The following SMPD4 variants were observed in gnomAD, a reference collection of about 807,000 sequenced individuals.
SMPD4 encodes the protein sphingomyelin phosphodiesterase 4.
SMPD4 carries 58 observed loss-of-function variants against 97.8 expected under a neutral mutation model. The ratio of observed to expected loss-of-function variants is 0.59; its 90% CI spans 0.48 to 0.74. The LOEUF (loss-of-function observed/expected upper bound fraction) is 0.74, where lower values mean the gene tolerates loss of function less well. Ranked by LOEUF, SMPD4 falls within the 30% of genes least tolerant of loss-of-function variation. The pLI is 0.00. For missense variants in SMPD4, 853 were observed against 1,080.5 expected (o/e 0.79, Z 2.95); for synonymous variants, 388 against 450.0 (o/e 0.86, Z 1.74).
At chr2:130,171,184 A>G (rs1688431563) in intron 8 of SMPD4, among the ~76,000 whole-genome samples, 1 of 150,354 alleles carries the variant, frequency 6.7e-6, no homozygotes, top group South Asian at 2.1e-4. Flanking sequence ...AGCTCACCAC[A>G]ACCTCCGCCT....
intron 8 of SMPD4, among the ~76,000 whole-genome samples, chr2:130,170,476 C>CAAAAAAAAAAAAAAAAAA (rs1688348952): frequency 2.5e-5 from 2 of 81,338 alleles, no homozygotes; most frequent in Non-Finnish European, 4.9e-5. Context: ...AAAAAAAAAG[C>CAAAAAAAAAAAAAAAAAA]ACACAATGGA....
intron 10 of SMPD4, 41 bp downstream of exon 10, chr2:130,164,333 G>C: frequency 6.5e-7 from 1 of 1,545,238 alleles, no homozygotes; most frequent in Non-Finnish European, 8.9e-7. Flanking sequence ...AGGCTGAGCA[G>C]GGTCAGAAGC....
At chr2:130,181,671 T>C, upstream of SMPD4, 5 of 1,550,014 alleles carry the variant, frequency 3.2e-6, no homozygotes, top group South Asian at 5.9e-5. Context: ...GGCCGTTACC[T>C]CAAAAGGCGC....
At position 130,154,870 on chromosome 2, in the gene SMPD4, C is replaced by T. The variant is rs182794119; in HGVS notation, c.1453+226G>A. On this transcript the variant is annotated intron_variant, in intron 15 of 19. Transcript: ENST00000680298. ...ACCGTGCCGGCCCGCTCTGTGGGCA[C>T]ACCTGCGATCCCCCACCCAGTGCCT... The T allele has an allele frequency of 9.1e-6, 6 of 656,720 alleles. No homozygotes were observed. The East Asian group carries it at 1.4e-4, about 15-fold the overall frequency. 40.7% of individuals were successfully genotyped at this position (656,720 alleles called of 1,614,324 possible).
At chr2:130,158,103 G>T in intron 11 of SMPD4, 1 of 936,380 alleles carries the variant, frequency 1.1e-6, no homozygotes, top group Non-Finnish European at 1.4e-6. Context: ...TCGTGCCACT[G>T]CACTCCAGCG....
In SMPD4 at chr2:130,173,604, T is replaced by C. The variant is rs150893151; in HGVS notation, c.179A>G (p.Asp60Gly). 6 of 1,613,708 alleles carry C rather than the reference T, an allele frequency of 3.7e-6. No individual in the cohort carries two copies. In the African/African-American group the frequency reaches 6.7e-5, roughly 18 times the overall value. Residue 60 changes from aspartate to glycine, a missense_variant, in exon 4 of 20, where the codon GAT becomes GGT. By Grantham distance (94) the Asp-to-Gly change is moderately conservative. Transcript: ENST00000680298. ...WLVESIFGSL[D>G]GVLVGWNLRC... ...GAGGTTCCAGCCAACGAGGACACCA[T>C]CTAGGCTGCCAAAAATGCTTTCTAC...
intron 10 of SMPD4, among the ~76,000 whole-genome samples, chr2:130,162,575 C>T (rs1687534795): frequency 1.3e-5 from 2 of 152,210 alleles, no homozygotes; most frequent in Admixed American, 6.5e-5. Context: ...GCCATCCTTA[C>T]TGCCCACAGG....
chr2:130,181,416 G>C (rs573827965), intron 1 of SMPD4, 114 bp downstream of exon 1: 1 of 1,495,730 alleles, frequency 6.7e-7, no homozygotes, highest in East Asian at 2.5e-5. Context: ...GGGCAGAGCC[G>C]GCTGGCCGGC....
At chr2:130,181,476 G>A (rs1472664604) in intron 1 of SMPD4, 54 bp downstream of exon 1, 1 of 1,555,270 alleles carries the variant, frequency 6.4e-7, no homozygotes, top group East Asian at 2.4e-5. Flanking sequence ...GCAGGGGCTC[G>A]GGGAAGCCCC....
chr2:130,153,952 G>A lies in SMPD4; in HGVS notation c.1660-17C>T, dbSNP rs770163627. On this transcript the variant is annotated splice_polypyrimidine_tract_variant and intron_variant, in intron 16 of 19. Transcript: ENST00000680298. ...GCGCAGGACCTGCAAGGGAGGCGCGGGCAGGTCACCAGCAGGACAGGCCTG... is the reference window on the plus strand; with the variant it reads ...GCGCAGGACCTGCAAGGGAGGCGCGAGCAGGTCACCAGCAGGACAGGCCTG... 6 of 1,608,234 alleles carry A rather than the reference G, an allele frequency of 3.7e-6. No individual in the cohort carries two copies. Among genetic ancestry groups the A allele is most frequent in the Non-Finnish European group, 5.1e-6 (6 of 1,177,536 alleles).
In SMPD4 at chr2:130,152,847, T is replaced by C. The variant is rs757166069; in HGVS notation, c.2192A>G (p.Asp731Gly). The C allele has an allele frequency of 2.5e-6, 4 of 1,592,570 alleles. No individual in the cohort carries two copies. Among genetic ancestry groups the C allele is most frequent in the Non-Finnish European group, 3.4e-6 (4 of 1,167,660 alleles). ...GTAGCGACAGAAGCTGCCGAGGAAG[T>C]CATCCCGGGAACACAGAGCCGCCAT... Reference protein sequence around the residue: ...GQMAALCSRDDFLGSFCRYHL... With the variant: ...GQMAALCSRDGFLGSFCRYHL... The change falls in exon 20 of 20, where the codon GAC becomes GGC. Residue 731 changes from aspartate to glycine, a missense_variant. This residue lies in a region of SMPD4 where 511 missense variants were observed against 608.1 expected (regional missense o/e 0.84). Transcript: ENST00000680298.
At chr2:130,177,460 G>A (rs1463907420) in intron 1 of SMPD4, among the ~76,000 whole-genome samples, 1 of 152,084 alleles carries the variant, frequency 6.6e-6, no homozygotes, top group Non-Finnish European at 1.5e-5. Flanking sequence ...TACTTTGGGA[G>A]GCTGAGGCAG....
intron 1 of SMPD4, among the ~76,000 whole-genome samples, chr2:130,179,290 T>A (rs1300106328): frequency 1.3e-5 from 2 of 151,412 alleles, no homozygotes; most frequent in East Asian, 3.9e-4. Flanking sequence ...CCGGCTAATT[T>A]TTTTGTATTT....
intron 8 of SMPD4, among the ~76,000 whole-genome samples, chr2:130,170,113 GAGTGATGATTGTGCCACCA>G (rs1688303485): frequency 6.6e-6 from 1 of 152,092 alleles, no homozygotes; most frequent in Non-Finnish European, 1.5e-5. Flanking sequence ...AGGCTGGCTT[GAGTGATGATTGTGCCACCA>G]AGTGATGATT....
intron 9 of SMPD4, among the ~76,000 whole-genome samples, chr2:130,167,214 G>A (rs1226170139): frequency 6.6e-6 from 1 of 151,864 alleles, no homozygotes; most frequent in Non-Finnish European, 1.5e-5. Context: ...TCCACCTCCT[G>A]GGTTCAAGCG....
At position 130,180,270 on chromosome 2, in the gene SMPD4, T is replaced by C. The variant is rs549148923; in HGVS notation, c.-46+1260A>G. On this transcript the variant is annotated intron_variant, in intron 1 of 19. Coordinates refer to ENST00000680298, the MANE Select transcript of SMPD4 (RefSeq NM_017951.5). ...GAGCCACTGCGCCCGGCCAGCTTTCTCTTTTTCTTTTTTCAGACGGAGTCT... is the reference window on the plus strand; with the variant it reads ...GAGCCACTGCGCCCGGCCAGCTTTCCCTTTTTCTTTTTTCAGACGGAGTCT... 2.4e-3 allele frequency among the ~76,000 whole-genome samples: 363 copies of C among 151,152 alleles called. 3 individuals are homozygous for C. Among genetic ancestry groups the C allele is most frequent in the Admixed American group, 5.4e-3 (82 of 15,172 alleles).
At chr2:130,179,279 C>A (rs1689266720) in intron 1 of SMPD4, among the ~76,000 whole-genome samples, 1 of 150,310 alleles carries the variant, frequency 6.7e-6, no homozygotes, top group African/African-American at 2.5e-5. Flanking sequence ...GGCCACCACA[C>A]CCGGCTAATT....
intron 8 of SMPD4, among the ~76,000 whole-genome samples, chr2:130,170,916 T>G (rs1688393722): frequency 6.6e-6 from 1 of 151,442 alleles, no homozygotes; most frequent in African/African-American, 2.4e-5. Flanking sequence ...CAAAAATTAG[T>G]CGGGCATGCT....
chr2:130,159,688 G>C (rs1353327259), intron 11 of SMPD4: 2 of 151,376 alleles, frequency 1.3e-5, no homozygotes, highest in African/African-American at 4.9e-5. Context: ...CATAATACCT[G>C]TACCTATACT....
Sources: allele counts gnomAD v4.1 joint callset (sites outside exome capture counted in the v4.1 genomes callset), GRCh38; gene constraint gnomAD v4.1.1; regional missense constraint gnomAD v4.1.1; transcripts MANE v1.5; gene names NCBI Gene and HGNC (gene_info 2026-07-23, HGNC 2026-07-21).